ZNF385B: variants seen among roughly 807,000 people sequenced by gnomAD.
The protein encoded by ZNF385B is zinc finger protein 533.
A neutral mutation model predicts 39.2 loss-of-function variants in ZNF385B; 23 were observed. The ratio of observed to expected loss-of-function variants is 0.59; its 90% CI spans 0.42 to 0.83. The LOEUF is 0.83. Among genes scored for constraint, ZNF385B ranks in the 40% least tolerant of loss-of-function variants. The probability of loss-of-function intolerance (pLI) is 0.00; values close to 1 mark genes in which losing one functional copy is unlikely to be tolerated. For synonymous variants in ZNF385B, 205 were observed against 222.6 expected (o/e 0.92, Z 0.70); for missense variants, 552 against 598.9 (o/e 0.92, Z 0.82).
chr2:179,826,533 G>A (rs976430627), intron 1 of ZNF385B, among the ~76,000 whole-genome samples: 3 of 152,050 alleles, frequency 2.0e-5, no homozygotes, highest in East Asian at 1.9e-4. Context: ...GCAGAGAAGC[G>A]AAAATACTCC....
intron 1 of ZNF385B, among the ~76,000 whole-genome samples, chr2:179,778,309 A>G (rs1704462927): frequency 6.6e-6 from 1 of 152,196 alleles, no homozygotes; most frequent in Non-Finnish European, 1.5e-5. Context: ...AAACCTGGGC[A>G]AGGGCAGATC....
At position 179,556,186 on chromosome 2, in the gene ZNF385B, C is replaced by T. The variant is rs927032890; in HGVS notation, c.299-11217G>A. The stretch of plus-strand genomic sequence containing the variant: ...ATATCTTGCCCACTTGGATTTCTTA[C>T]ATTTAAGTGTTGTTAAAAAAAATGG... On this transcript the variant is annotated intron_variant, in intron 3 of 9. Coordinates refer to ENST00000410066, the MANE Select transcript of ZNF385B (RefSeq NM_152520.6). 8.7e-4 allele frequency among the ~76,000 whole-genome samples: 130 copies of T among 148,590 alleles called. 7 individuals carry two copies. The highest frequency in any genetic ancestry group is 6.9e-3 in the Middle Eastern group (2 of 288).
At chr2:179,772,587 G>C (rs1184872151) in intron 1 of ZNF385B, among the ~76,000 whole-genome samples, 1 of 152,202 alleles carries the variant, frequency 6.6e-6, no homozygotes, top group African/African-American at 2.4e-5. Context: ...CAGAGTCTCA[G>C]CATCCACTTT....
At chr2:179,831,554 T>C (rs1707989574) in intron 1 of ZNF385B, among the ~76,000 whole-genome samples, 1 of 151,742 alleles carries the variant, frequency 6.6e-6, no homozygotes, top group African/African-American at 2.4e-5. Context: ...TTTTAAAAAA[T>C]CTATCTTTAG....
At chr2:179,551,352 C>T (rs2060553287) in intron 3 of ZNF385B, among the ~76,000 whole-genome samples, 1 of 152,018 alleles carries the variant, frequency 6.6e-6, no homozygotes, top group Admixed American at 6.6e-5. Context: ...AAATTCCAGA[C>T]AGCAGTTTCA....
chr2:179,807,798 G>C (rs1475010091), intron 1 of ZNF385B, among the ~76,000 whole-genome samples: 1 of 151,256 alleles, frequency 6.6e-6, no homozygotes, highest in African/African-American at 2.4e-5. Flanking sequence ...AGGAGGTTGA[G>C]GCAGGAGAAT....
At chr2:179,855,066 C>A (rs1054793740) in intron 1 of ZNF385B, among the ~76,000 whole-genome samples, 2 of 151,882 alleles carry the variant, frequency 1.3e-5, no homozygotes, top group Admixed American at 6.6e-5. Context: ...TCACAGAGCA[C>A]CTCTTTTATT....
intron 6 of ZNF385B, among the ~76,000 whole-genome samples, chr2:179,480,057 T>C (rs1460087214): frequency 2.0e-5 from 3 of 152,314 alleles, no homozygotes; most frequent in Middle Eastern, 3.4e-3. Context: ...ATGGAATTAG[T>C]CAAGCCTATG....
intron 6 of ZNF385B, among the ~76,000 whole-genome samples, chr2:179,462,373 T>C (rs2051427964): frequency 1.3e-5 from 2 of 152,128 alleles, no homozygotes; most frequent in Non-Finnish European, 2.9e-5. Flanking sequence ...GCTGAAAAGC[T>C]CAGGGGGCTC....
intron 3 of ZNF385B, among the ~76,000 whole-genome samples, chr2:179,565,713 C>T (rs761245178): frequency 1.3e-5 from 2 of 152,168 alleles, no homozygotes; most frequent in South Asian, 2.1e-4. Flanking sequence ...CCAGGATGCT[C>T]GTCCCTTTTT....
At chr2:179,860,060 T>A (rs1684916832) in intron 1 of ZNF385B, among the ~76,000 whole-genome samples, 1 of 152,236 alleles carries the variant, frequency 6.6e-6, no homozygotes, top group Admixed American at 6.5e-5. Flanking sequence ...GGCTAGGCCC[T>A]ATAACAGAAA....
Position 179,625,284 on chromosome 2 carries a change from G to A in ZNF385B, c.299-80315C>T, listed in dbSNP as rs142710851. On this transcript the variant is annotated intron_variant, in intron 3 of 9. Transcript: ENST00000410066. ...TGCAGTCTTTATCACTTTGCCTACT[G>A]GGAAGTTCAGATGCAAGAATAAGAC... Among the ~76,000 whole-genome samples, 1,123 of 151,986 alleles carry A rather than the reference G, an allele frequency of 7.4e-3. 10 individuals carry two copies. The highest frequency in any genetic ancestry group is 0.026 in the African/African-American group (1,058 of 41,478).
chr2:179,787,301 G>T (rs1705062522), intron 1 of ZNF385B, among the ~76,000 whole-genome samples: 1 of 151,682 alleles, frequency 6.6e-6, no homozygotes, highest in Non-Finnish European at 1.5e-5. Context: ...TAGAAAAATT[G>T]TTCCCTGCTC....
At chr2:179,593,076 A>G (rs1305662263) in intron 3 of ZNF385B, among the ~76,000 whole-genome samples, 2 of 152,164 alleles carry the variant, frequency 1.3e-5, no homozygotes, top group Non-Finnish European at 2.9e-5. Flanking sequence ...ATTTTCCCCA[A>G]ACATTAAGAT....
Position 179,493,351 on chromosome 2 carries a change from GTA to G in ZNF385B, c.553-9919_553-9918del, listed in dbSNP as rs536337557. On this transcript the variant is annotated intron_variant, in intron 5 of 9. Coordinates refer to ENST00000410066, the MANE Select transcript of ZNF385B (RefSeq NM_152520.6). The stretch of plus-strand genomic sequence containing the variant: ...TGTACATATGGCATGTATATGGCAT[GTA>G]TATATATATGTAGGTTTGTGTGCGC... 9.1e-3 allele frequency among the ~76,000 whole-genome samples: 1,313 copies of G among 144,424 alleles called. 12 individuals carry two copies. The highest frequency in any genetic ancestry group is 0.025 in the African/African-American group (1,028 of 40,660). 94.7% of individuals were successfully genotyped at this position (144,424 alleles called of 152,430 possible).
At chr2:179,582,740 A>G (rs1310648861) in intron 3 of ZNF385B, among the ~76,000 whole-genome samples, 1 of 152,242 alleles carries the variant, frequency 6.6e-6, no homozygotes, top group Non-Finnish European at 1.5e-5. Context: ...TTATAGAAAA[A>G]TTACAAAGAT....
intron 1 of ZNF385B, among the ~76,000 whole-genome samples, chr2:179,808,254 G>C (rs984196002): frequency 6.6e-6 from 1 of 152,238 alleles, no homozygotes; most frequent in South Asian, 2.1e-4. Flanking sequence ...GGATGGTCTC[G>C]ATCTCCTGAC....
chr2:179,642,851 T>C (rs1236289198), intron 3 of ZNF385B, among the ~76,000 whole-genome samples: 2 of 152,172 alleles, frequency 1.3e-5, no homozygotes, highest in Non-Finnish European at 2.9e-5. Context: ...ATCTCAACCC[T>C]TCAGTAAACC....
chr2:179,688,944 A>G (rs1698139597), intron 3 of ZNF385B, among the ~76,000 whole-genome samples: 1 of 152,198 alleles, frequency 6.6e-6, no homozygotes, highest in African/African-American at 2.4e-5. Flanking sequence ...TATTGTAACA[A>G]TCAACCTAAA....
Sources: gnomAD v4.1 joint callset for allele counts (sites outside exome capture counted in the v4.1 genomes callset) on GRCh38, gnomAD v4.1.1 for gene constraint, MANE v1.5 for transcripts, NCBI Gene and HGNC (gene_info 2026-07-23, HGNC 2026-07-21) for gene names.